PLK5: variants seen among roughly 807,000 people sequenced by gnomAD.
The protein encoded by PLK5 is polo like kinase 5 (inactive).
PLK5 carries 28 observed loss-of-function variants against 33.7 expected under a neutral mutation model. That is an observed-to-expected ratio of 0.83 (90% confidence interval 0.62 to 1.14). The LOEUF (loss-of-function observed/expected upper bound fraction) is 1.14. Ranked by LOEUF, PLK5 falls within the 50% of genes most tolerant of loss-of-function variation. PLK5 has a pLI of 0.00. For missense variants in PLK5, 492 were observed against 461.5 expected (o/e 1.07, Z -0.61); for synonymous variants, 225 against 202.2 (o/e 1.11, Z -0.96).
intron 12 of PLK5, among the ~76,000 whole-genome samples, chr19:1,533,383 G>A (rs900508601): frequency 5.9e-5 from 9 of 152,164 alleles, no homozygotes; most frequent in Admixed American, 1.3e-4. Flanking sequence ...GAGCCACCGC[G>A]CCCGGCCTTA....
Position 1,531,779 on chromosome 19 carries a change from GC to G in PLK5, c.615del (p.Lys206AsnfsTer71). On this transcript the variant is annotated frameshift_variant, in exon 12 of 14. Transcript: ENST00000454744. LOFTEE classifies it high-confidence loss of function. ...PLGEQQPILW[A>X]PKWVDYSSKY... ...GGGAGAGCAGCAGCCCATCCTCTGG[GC>G]CCCCAAATGGGTGGATTATTCCAGC... 6.5e-7 allele frequency: 1 copy of G among 1,535,886 alleles called. No individual in the cohort carries two copies. Among genetic ancestry groups the G allele is most frequent in the South Asian group, 1.2e-5 (1 of 84,046 alleles).
intron 11 of PLK5, among the ~76,000 whole-genome samples, chr19:1,530,281 GCCTTTTCTTTT>G (rs1030030625): frequency 1.3e-5 from 2 of 151,950 alleles, no homozygotes. Flanking sequence ...CAGCCCAGAA[GCCTTTTCTTTT>G]CCTTTTCTTT....
intron 9 of PLK5, 110 bp from the exon 10 acceptor site, chr19:1,529,296 G>T: frequency 1.0e-6 from 1 of 958,258 alleles, no homozygotes; most frequent in Non-Finnish European, 1.6e-6. Context: ...CAGTGCCTCT[G>T]TGTGCAGAGC....
At position 1,524,777 on chromosome 19, in the gene PLK5, GTGTTCATGTGTTTGTATCTGTGTCTT is replaced by G. The variant is rs1913689810; in HGVS notation, c.-543-524_-543-499del. ...CATATGTGGTGTGTCTAGGAGTTGT[GTGTTCATGTGTTTGTATCTGTGTCTT>G]TGTCCATGTGTTGTACTGTGTGTCC... is the stretch of plus-strand genomic sequence containing the variant. On this transcript the variant is annotated intron_variant, in intron 1 of 13. Coordinates refer to ENST00000454744, the MANE Select transcript of PLK5 (RefSeq NM_001243079.2). This position sits in a 1 kb window ranked among gnomAD's most constrained non-coding sequence, Gnocchi z 4.5. Among the ~76,000 whole-genome samples, 1 of 151,906 alleles carries G rather than the reference GTGTTCATGTGTTTGTATCTGTGTCTT, an allele frequency of 6.6e-6. No individual in the cohort carries two copies. Among genetic ancestry groups the G allele is most frequent in the Non-Finnish European group, 1.5e-5 (1 of 67,998 alleles).
chr19:1,526,802 G>C lies in PLK5; in HGVS notation c.-95+11G>C. The stretch of plus-strand genomic sequence containing the variant: ...GGGCCGCTGCCACAGGTGAGAGCCG[G>C]GGGGAGGGCTCTGAGCAGTCCGTCC... On this transcript the variant is annotated intron_variant, in intron 5 of 13. Transcript: ENST00000454744. 1.5e-6 allele frequency: 1 copy of C among 669,346 alleles called. No individual in the cohort carries two copies. The highest frequency in any genetic ancestry group is 2.6e-6 in the Non-Finnish European group (1 of 389,016). 41.5% of individuals were successfully genotyped at this position (669,346 alleles called of 1,614,324 possible). A position where few individuals can be genotyped will look rare whatever the true frequency, so the allele number is the denominator to read the frequency against.
At chr19:1,532,398 G>A (rs1429720876) in intron 12 of PLK5, among the ~76,000 whole-genome samples, 2 of 151,978 alleles carry the variant, frequency 1.3e-5, no homozygotes, top group Admixed American at 6.6e-5. Flanking sequence ...AATTAGCTGG[G>A]CGTGGTGGTG....
chr19:1,525,711 G>A lies in PLK5; in HGVS notation c.-313G>A, dbSNP rs1913721813. ...TGGTGCTGGAGTACTGCAGCCGCCA[G>A]GTGCCCAGGGGCGGGGAGAGGGCAG... On this transcript the variant is annotated splice_region_variant and 5_prime_UTR_variant, in exon 3 of 14. Transcript: ENST00000454744. The A allele has an allele frequency of 6.5e-6, 1 of 152,782 alleles. No individual in the cohort carries two copies. The highest frequency in any genetic ancestry group is 2.4e-5 in the African/African-American group (1 of 41,456). The allele number at this position is 152,782 out of a possible 1,614,324, so 9.5% of individuals were successfully genotyped here.
chr19:1,531,846 C>A lies in PLK5; in HGVS notation c.677C>A (p.Thr226Lys). The A allele has an allele frequency of 9.2e-6, 14 of 1,525,112 alleles. No individual in the cohort carries two copies. Among genetic ancestry groups the A allele is most frequent in the African/African-American group, 1.4e-5 (1 of 72,766 alleles). 94.5% of individuals were successfully genotyped at this position (1,525,112 alleles called of 1,614,324 possible). A position where few individuals can be genotyped will look rare whatever the true frequency, so the allele number is the denominator to read the frequency against. The change falls in exon 12 of 14, where the codon ACG (threonine) becomes AAG (lysine). Residue 226 changes from threonine (T) to lysine (K), a missense_variant. Physicochemically the swap from Thr to Lys is moderately conservative, Grantham distance 78 (BLOSUM62 -1). Coordinates refer to ENST00000454744, the MANE Select transcript of PLK5 (RefSeq NM_001243079.2). ...TACCAGCTCTTGGACGGGGGGCGCA[C>A]GGGACGGCACCCACATGGCCCTGCG... ...FGYQLLDGGR[T>K]GRHPHGPATP...
Position 1,531,789 on chromosome 19 carries a change from G to C in PLK5, c.620G>C (p.Trp207Ser). 1 of 1,535,744 alleles carries C rather than the reference G, an allele frequency of 6.5e-7. No individual in the cohort carries two copies. Among genetic ancestry groups the C allele is most frequent in the Middle Eastern group, 1.7e-4 (1 of 5,980 alleles). Residue 207 changes from tryptophan (W) to serine (S), a missense_variant, in exon 12 of 14, where the codon TGG becomes TCG. Transcript: ENST00000454744. ...EQQPILWAPK[W>S]VDYSSKYGFG... Reference sequence around the variant, plus strand: ...CAGCCCATCCTCTGGGCCCCCAAATGGGTGGATTATTCCAGCAAATACGGC... The same window carrying C: ...CAGCCCATCCTCTGGGCCCCCAAATCGGTGGATTATTCCAGCAAATACGGC...
At chr19:1,534,158 A>G (rs1359247649) in intron 13 of PLK5, 117 bp downstream of exon 13, 21,011 of 448,726 alleles carry the variant, frequency 0.047, 29 homozygotes, top group East Asian at 0.23. Flanking sequence ...CTCCCAGGAA[A>G]AAAAAAAAAA....
Position 1,531,602 on chromosome 19 carries a change from C to T in PLK5, c.569-136C>T, listed in dbSNP as rs968510474. 44 of 1,033,596 alleles carry T rather than the reference C, an allele frequency of 4.3e-5. No individual in the cohort carries two copies. The Admixed American group carries it at 5.6e-4, about 13-fold the overall frequency. 64.0% of individuals were successfully genotyped at this position (1,033,596 alleles called of 1,614,324 possible). ...TGTCTGGTCTCCTAGAATCCACCAC[C>T]GAAGCCCCCAAGCCTCTGTCCGGTC... On this transcript the variant is annotated intron_variant, in intron 11 of 13. Coordinates refer to ENST00000454744, the MANE Select transcript of PLK5 (RefSeq NM_001243079.2).
At chr19:1,525,136 C>G (rs1344735495) in intron 1 of PLK5, 169 bp from the exon 2 acceptor site, 1 of 152,890 alleles carries the variant, frequency 6.5e-6, no homozygotes, top group Admixed American at 6.5e-5. Flanking sequence ...TGCATCATGT[C>G]TTGTGTGTCC....
In PLK5 at chr19:1,526,708, C is replaced by T. The variant is rs1040057745; in HGVS notation, c.-178C>T. The stretch of plus-strand genomic sequence containing the variant: ...CAATGCCCCTCCCACTGCCAGGTAA[C>T]TTCTTCCTTAACAAGAACATGGAGG... On this transcript the variant is annotated 5_prime_UTR_variant, in exon 5 of 14. Coordinates refer to ENST00000454744, the MANE Select transcript of PLK5 (RefSeq NM_001243079.2). The T allele has an allele frequency of 6.0e-6, 3 of 503,014 alleles. No individual in the cohort carries two copies. Among genetic ancestry groups the T allele is most frequent in the South Asian group, 2.1e-5 (1 of 47,936 alleles). The allele number at this position is 503,014 out of a possible 1,614,324, so 31.2% of individuals were successfully genotyped here.
rs1173389748 is a variant in PLK5 at position 1,526,749 on chromosome 19, T to C, written c.-137T>C. 5.3e-6 allele frequency: 3 copies of C among 567,260 alleles called. No homozygotes were observed. Among genetic ancestry groups the C allele is most frequent in the African/African-American group, 3.8e-5 (2 of 52,234 alleles). 35.1% of individuals were successfully genotyped at this position (567,260 alleles called of 1,614,324 possible). A position where few individuals can be genotyped will look rare whatever the true frequency, so the allele number is the denominator to read the frequency against. The stretch of plus-strand genomic sequence containing the variant: ...AACATGGAGGTGAAGATTGGAGACC[T>C]GGGACTGGCGGCCAAGGTGGGGCCA... On this transcript the variant is annotated 5_prime_UTR_variant, in exon 5 of 14. Coordinates refer to ENST00000454744, the MANE Select transcript of PLK5 (RefSeq NM_001243079.2).
intron 12 of PLK5, among the ~76,000 whole-genome samples, chr19:1,532,196 A>G (rs1289955034): frequency 6.6e-6 from 1 of 152,168 alleles, no homozygotes; most frequent in African/African-American, 2.4e-5. Flanking sequence ...CCTTGAGCCC[A>G]GGAGATCGAG....
chr19:1,529,051 T>A, intron 9 of PLK5, 77 bp downstream of exon 9: 1 of 1,296,962 alleles, frequency 7.7e-7, no homozygotes, highest in Admixed American at 2.8e-5. Context: ...CCCTCCCCCA[T>A]GCCGGCTTCT....
intron 11 of PLK5, among the ~76,000 whole-genome samples, chr19:1,530,136 CA>C (rs1913884126): frequency 6.6e-6 from 1 of 152,066 alleles, no homozygotes; most frequent in African/African-American, 2.4e-5. Context: ...GGCCACACTC[CA>C]AAGGGGGACC....
intron 11 of PLK5, 87 bp downstream of exon 11, chr19:1,529,911 T>C: frequency 7.3e-7 from 1 of 1,374,878 alleles, no homozygotes; most frequent in Non-Finnish European, 9.8e-7. Context: ...CCCTCCTGGG[T>C]ATTTCTGGGG....
chr19:1,529,155 C>A, intron 9 of PLK5, 181 bp downstream of exon 9: 1 of 668,010 alleles, frequency 1.5e-6, no homozygotes, highest in Non-Finnish European at 2.5e-6. Flanking sequence ...CAAATGTGCC[C>A]ACCTGGGCTT....
Sources: allele counts gnomAD v4.1 joint callset (sites outside exome capture counted in the v4.1 genomes callset), GRCh38; gene constraint gnomAD v4.1.1; non-coding constraint Gnocchi (gnomAD v3.1); transcripts MANE v1.5; gene names NCBI Gene and HGNC (gene_info 2026-07-23, HGNC 2026-07-21).